The following STK31 variants were observed in gnomAD, a reference collection of about 807,000 sequenced individuals.
The protein encoded by STK31 is serine/threonine kinase 31, also known as serine/threonine-protein kinase 31.
STK31 carries 89 observed loss-of-function variants against 129.7 expected under a neutral mutation model. The ratio of observed to expected loss-of-function variants is 0.69; its 90% CI spans 0.58 to 0.82. The LOEUF is 0.82. Among genes scored for constraint, STK31 ranks in the 40% least tolerant of loss-of-function variants. The probability of loss-of-function intolerance (pLI) is 0.00; values close to 1 mark genes in which losing one functional copy is unlikely to be tolerated. For synonymous variants in STK31, 448 were observed against 395.3 expected, an observed-to-expected ratio of 1.13 and a Z score of -1.58; for missense variants, 1,187 against 1,176.4, an observed-to-expected ratio of 1.01 and a Z score of -0.13.
intron 4 of STK31, among the ~76,000 whole-genome samples, chr7:23,724,481 T>C (rs1016240826): frequency 6.6e-6 from 1 of 152,206 alleles, no homozygotes; most frequent in Non-Finnish European, 1.5e-5. Context: ...AAAACAAGGT[T>C]AGGCATTACA....
intron 22 of STK31, among the ~76,000 whole-genome samples, chr7:23,808,117 G>A (rs1792828793): frequency 6.9e-6 from 1 of 144,590 alleles, no homozygotes; most frequent in African/African-American, 2.5e-5. Flanking sequence ...TAAACATTTG[G>A]GTTATTATGT....
At chr7:23,824,618 G>T (rs1794000620) in intron 23 of STK31, among the ~76,000 whole-genome samples, 1 of 152,166 alleles carries the variant, frequency 6.6e-6, no homozygotes, top group Non-Finnish European at 1.5e-5. Flanking sequence ...GCCCTGGCCA[G>T]AACTTCCAAC....
intron 1 of STK31, among the ~76,000 whole-genome samples, chr7:23,711,361 C>CG (rs1042614807): frequency 6.6e-6 from 1 of 151,354 alleles, no homozygotes; most frequent in Non-Finnish European, 1.5e-5. Flanking sequence ...TGCTTGAACC[C>CG]GGGGGGTGGA....
In STK31 at chr7:23,716,797, CTT is replaced by C. The variant is rs34047442; in HGVS notation, c.151-667_151-666del. 1.0e-3 allele frequency among the ~76,000 whole-genome samples: 125 copies of C among 123,356 alleles called. 1 individual carries two copies. The highest frequency in any genetic ancestry group is 3.9e-3 in the Middle Eastern group (1 of 258). 80.9% of individuals were successfully genotyped at this position (123,356 alleles called of 152,430 possible). A position where few individuals can be genotyped will look rare whatever the true frequency, so the allele number is the denominator to read the frequency against. On this transcript the variant is annotated intron_variant, in intron 3 of 23. Coordinates refer to ENST00000355870, the MANE Select transcript of STK31 (RefSeq NM_031414.5). Reference sequence around the variant, plus strand: ...ACGTCTCCTATTCTTTTTTTGAGCACTTTTTTTTTTTTTTTTTTCAAGACAGG... The same window carrying C: ...ACGTCTCCTATTCTTTTTTTGAGCACTTTTTTTTTTTTTTTTCAAGACAGG...
At chr7:23,716,213 G>T (rs1786313411) in intron 3 of STK31, among the ~76,000 whole-genome samples, 1 of 152,072 alleles carries the variant, frequency 6.6e-6, no homozygotes. Context: ...ATGAATATTA[G>T]TTATTTTGTA....
At chr7:23,757,916 T>G (rs1480264187) in intron 10 of STK31, among the ~76,000 whole-genome samples, 1 of 152,150 alleles carries the variant, frequency 6.6e-6, no homozygotes, top group Non-Finnish European at 1.5e-5. Flanking sequence ...TACTTGAGAT[T>G]AGGGAGTGGT....
In STK31 at chr7:23,785,556, C is replaced by T; in HGVS notation, c.2227C>T (p.Arg743Cys). 1.9e-6 allele frequency: 3 copies of T among 1,613,870 alleles called. No homozygotes were observed. The highest frequency in any genetic ancestry group is 1.3e-5 in the African/African-American group (1 of 75,002). ...GCCCATGAAGGAACTTAGCAGCAAG[C>T]GTCCTTTGGTACGTTCTGAGGTTAA... is the stretch of plus-strand genomic sequence containing the variant. ...AEPMKELSSK[R>C]PLVRSEVNGQ... Residue 743 changes from arginine to cysteine, a missense_variant, in exon 18 of 24, where the codon CGT (arginine) becomes TGT (cysteine). Transcript: ENST00000355870.
chr7:23,808,234 T>C (rs1792843518), intron 22 of STK31, among the ~76,000 whole-genome samples: 1 of 151,576 alleles, frequency 6.6e-6, no homozygotes, highest in Admixed American at 6.6e-5. Flanking sequence ...AGATATGTAG[T>C]TCCCCACTGG....
chr7:23,824,744 T>C (rs953719984), intron 23 of STK31, among the ~76,000 whole-genome samples: 13 of 152,134 alleles, frequency 8.5e-5, no homozygotes, highest in Non-Finnish European at 1.3e-4. Context: ...TTGTCATAGA[T>C]ACCTCTTATT....
chr7:23,826,037 A>G (rs1794128071), intron 23 of STK31, among the ~76,000 whole-genome samples: 1 of 152,084 alleles, frequency 6.6e-6, no homozygotes, highest in Non-Finnish European at 1.5e-5. Flanking sequence ...CAATTTTGGA[A>G]TAGGTGTGGT....
intron 3 of STK31, among the ~76,000 whole-genome samples, chr7:23,714,609 T>C (rs930612683): frequency 2.0e-5 from 3 of 152,240 alleles, no homozygotes; most frequent in African/African-American, 7.2e-5. Flanking sequence ...TCCTTTTTAA[T>C]ATTGTCTTTG....
intron 4 of STK31, chr7:23,721,637 C>T (rs1786705687): frequency 2.3e-6 from 2 of 858,818 alleles, no homozygotes; most frequent in Non-Finnish European, 4.1e-6. Flanking sequence ...AATGTAAATA[C>T]AAGCCAAGCC....
intron 7 of STK31, among the ~76,000 whole-genome samples, chr7:23,736,483 G>A (rs1016145519): frequency 3.7e-5 from 5 of 136,288 alleles, no homozygotes; most frequent in Non-Finnish European, 1.5e-5. Flanking sequence ...TGACATAGCT[G>A]TTTGATGGGA....
At chr7:23,730,878 A>ATATTTTTTTTTT in intron 6 of STK31, among the ~76,000 whole-genome samples, 1 of 59,554 alleles carries the variant, frequency 1.7e-5, no homozygotes, top group Non-Finnish European at 3.3e-5. Context: ...ATATATATAT[A>ATATTTTTTTTTT]TTTTTTTTTT....
At chr7:23,768,486 T>C (rs1789968379) in intron 11 of STK31, among the ~76,000 whole-genome samples, 1 of 152,198 alleles carries the variant, frequency 6.6e-6, no homozygotes, top group Admixed American at 6.5e-5. Flanking sequence ...TATTTGGCAA[T>C]CGGTCTTAGA....
At chr7:23,823,512 A>G (rs1793919171) in intron 23 of STK31, among the ~76,000 whole-genome samples, 1 of 151,974 alleles carries the variant, frequency 6.6e-6, no homozygotes, top group Non-Finnish European at 1.5e-5. Flanking sequence ...TTGTCAGATG[A>G]GTAGGTTGCA....
chr7:23,783,709 G>C, intron 17 of STK31, 46 bp downstream of exon 17: 1 of 1,427,664 alleles, frequency 7.0e-7, no homozygotes, highest in South Asian at 1.3e-5. Flanking sequence ...AGAGGGTGTT[G>C]AAAAGTGATA....
chr7:23,778,143 T>C (rs989590907), intron 15 of STK31, among the ~76,000 whole-genome samples: 15 of 152,324 alleles, frequency 9.8e-5, no homozygotes, highest in Middle Eastern at 3.4e-3. Flanking sequence ...TTCTTTTCTT[T>C]AAGAATGTTG....
intron 22 of STK31, among the ~76,000 whole-genome samples, chr7:23,808,517 A>G (rs1162643462): frequency 6.6e-6 from 1 of 151,838 alleles, no homozygotes; most frequent in East Asian, 1.9e-4. Context: ...CTGAATGCTG[A>G]CTCGTACTAC....
Sources: gnomAD v4.1 joint callset for allele counts (sites outside exome capture counted in the v4.1 genomes callset) on GRCh38, gnomAD v4.1.1 for gene constraint, MANE v1.5 for transcripts, NCBI Gene and HGNC (gene_info 2026-07-23, HGNC 2026-07-21) for gene names.